The following LRMDA variants were observed in gnomAD, a reference collection of about 807,000 sequenced individuals.
The protein encoded by LRMDA is leucine-rich melanocyte differentiation-associated protein.
A neutral mutation model predicts 29.8 loss-of-function variants in LRMDA; 18 were observed. That is an observed-to-expected ratio of 0.60 (90% CI 0.42 to 0.90). The LOEUF (loss-of-function observed/expected upper bound fraction) is 0.90. Ranked by LOEUF, LRMDA falls within the 40% of genes least tolerant of loss-of-function variation. LRMDA has a pLI of 0.00. For synonymous variants in LRMDA, 125 were observed against 109.4 expected (o/e 1.14, Z -0.89); for missense variants, 273 against 273.9 (o/e 1.00, Z 0.02).
intron 5 of LRMDA, among the ~76,000 whole-genome samples, chr10:76,269,189 G>T (rs1051007166): frequency 6.6e-6 from 1 of 152,098 alleles, no homozygotes; most frequent in African/African-American, 2.4e-5. Flanking sequence ...GGCACACTGT[G>T]ATGTGCTGCA....
chr10:75,758,990 A>T (rs1843064419), intron 2 of LRMDA, among the ~76,000 whole-genome samples: 1 of 151,982 alleles, frequency 6.6e-6, no homozygotes, highest in African/African-American at 2.4e-5. Flanking sequence ...TTGGTGATTT[A>T]AATGGGTACA....
chr10:75,566,243 C>CCTTCTCCT (rs980591212), intron 2 of LRMDA, among the ~76,000 whole-genome samples: 1 of 152,088 alleles, frequency 6.6e-6, no homozygotes, highest in South Asian at 2.1e-4. Flanking sequence ...ATTGCTCGTT[C>CCTTCTCCT]CTTCTCCTCT....
chr10:76,175,044 C>T (rs1050406979), intron 5 of LRMDA, among the ~76,000 whole-genome samples: 43 of 152,158 alleles, frequency 2.8e-4, no homozygotes, highest in Non-Finnish European at 5.0e-4. Context: ...TCGCTTCAAC[C>T]TGGGGAGGCA....
At chr10:76,397,280 G>A (rs929185837) in intron 6 of LRMDA, among the ~76,000 whole-genome samples, 1 of 152,114 alleles carries the variant, frequency 6.6e-6, no homozygotes, top group East Asian at 1.9e-4. Flanking sequence ...CGGCTCCCCA[G>A]GAGCCTTGGA....
intron 2 of LRMDA, among the ~76,000 whole-genome samples, chr10:75,796,554 T>G (rs1843657087): frequency 6.6e-6 from 1 of 152,188 alleles, no homozygotes; most frequent in African/African-American, 2.4e-5. Flanking sequence ...TTTTTGTATA[T>G]TTCTGGATAC....
chr10:76,483,035 A>G lies in LRMDA; in HGVS notation c.602-74174A>G, dbSNP rs188709129. ...TTTCTTGACCATTTAAATTTCCTCT[A>G]TTGTGAAATGGATTTTCAGTCTTTG... On this transcript the variant is annotated intron_variant, in intron 6 of 6. Coordinates refer to ENST00000611255, the MANE Select transcript of LRMDA (RefSeq NM_001305581.2). Among the ~76,000 whole-genome samples the G allele has an allele frequency of 1.2e-3, 180 of 152,008 alleles. 1 individual carries two copies. The highest frequency in any genetic ancestry group is 4.1e-3 in the African/African-American group (172 of 41,498).
At position 76,084,412 on chromosome 10, in the gene LRMDA, A is replaced by G. The variant is rs1403485091; in HGVS notation, c.516+25629A>G. On this transcript the variant is annotated intron_variant, in intron 5 of 6. Coordinates refer to ENST00000611255, the MANE Select transcript of LRMDA (RefSeq NM_001305581.2). Reference sequence around the variant, plus strand: ...TTTTTTTTTGTAGAGTCAGGGTTTTACCATGTTGGCCAGGCTGGTCTTGAA... The same window carrying G: ...TTTTTTTTTGTAGAGTCAGGGTTTTGCCATGTTGGCCAGGCTGGTCTTGAA... Among the ~76,000 whole-genome samples the G allele has an allele frequency of 1.1e-4, 7 of 63,460 alleles. No homozygotes were observed. The East Asian group carries it at 3.2e-3, about 29-fold the overall frequency. 41.6% of individuals were successfully genotyped at this position (63,460 alleles called of 152,430 possible).
intron 2 of LRMDA, among the ~76,000 whole-genome samples, chr10:75,777,157 G>A (rs1311579266): frequency 6.6e-6 from 1 of 152,182 alleles, no homozygotes; most frequent in Non-Finnish European, 1.5e-5. Context: ...GCAGAGTACA[G>A]GCTGCCGAGC....
At chr10:76,332,109 A>G (rs921678408) in intron 6 of LRMDA, among the ~76,000 whole-genome samples, 49 of 152,218 alleles carry the variant, frequency 3.2e-4, no homozygotes, top group African/African-American at 1.2e-3. Context: ...CACTCTGTAC[A>G]GAGCCGGGCT....
intron 5 of LRMDA, among the ~76,000 whole-genome samples, chr10:76,211,025 G>A (rs1237372368): frequency 6.6e-6 from 1 of 152,184 alleles, no homozygotes; most frequent in Non-Finnish European, 1.5e-5. Context: ...GCTCTGGTTG[G>A]AGGGTTTCCA....
At chr10:75,945,188 T>C (rs555641512) in intron 2 of LRMDA, among the ~76,000 whole-genome samples, 24 of 152,356 alleles carry the variant, frequency 1.6e-4, no homozygotes, top group Middle Eastern at 3.4e-3. Context: ...GCAGCTAACT[T>C]GGCTGGACTC....
rs1441906742 is a variant in LRMDA at position 76,363,116 on chromosome 10, G to GGAAAGAAAAAGAAAGAAA, written c.601+38639_601+38640insAAGAAAGAAAGAAAGAAA. ...CTAGAGGTTTCAGCCTGTGGAGTAAGGAAAGAAAGAAAGAAAGAAAGAAAG... is the reference window on the plus strand; with the variant it reads ...CTAGAGGTTTCAGCCTGTGGAGTAAGGAAAGAAAAAGAAAGAAAGAAAGAAAGAAAGAAAGAAAGAAAG... On this transcript the variant is annotated intron_variant, in intron 6 of 6. Transcript: ENST00000611255. 1.2e-4 allele frequency among the ~76,000 whole-genome samples: 6 copies of GGAAAGAAAAAGAAAGAAA among 51,522 alleles called. No individual in the cohort carries two copies. The South Asian group carries it at 2.1e-3, about 18-fold the overall frequency. The allele number at this position is 51,522 out of a possible 152,430, so 33.8% of individuals were successfully genotyped here. A position where few individuals can be genotyped will look rare whatever the true frequency, so the allele number is the denominator to read the frequency against.
chr10:76,156,562 T>C (rs1441465271), intron 5 of LRMDA, among the ~76,000 whole-genome samples: 1 of 139,614 alleles, frequency 7.2e-6, no homozygotes, highest in African/African-American at 3.0e-5. Context: ...GAAGAGTTGC[T>C]GAAAAAAAAA....
chr10:75,788,424 G>A (rs1843510296), intron 2 of LRMDA, among the ~76,000 whole-genome samples: 1 of 152,130 alleles, frequency 6.6e-6, no homozygotes, highest in Non-Finnish European at 1.5e-5. Context: ...AAGCAGGAAG[G>A]AAGAAGAAGG....
At chr10:75,712,330 G>A (rs1842445595) in intron 2 of LRMDA, among the ~76,000 whole-genome samples, 1 of 151,194 alleles carries the variant, frequency 6.6e-6, no homozygotes, top group South Asian at 2.1e-4. Flanking sequence ...ATCAGGTTGA[G>A]TATTAGTGTT....
At chr10:76,517,615 A>G (rs1843075052) in intron 6 of LRMDA, among the ~76,000 whole-genome samples, 2 of 152,152 alleles carry the variant, frequency 1.3e-5, no homozygotes, top group Admixed American at 6.5e-5. Context: ...GAAAAGGTAT[A>G]AATTATCCTG....
At chr10:75,567,870 A>T (rs182909108) in intron 2 of LRMDA, among the ~76,000 whole-genome samples, 1 of 152,310 alleles carries the variant, frequency 6.6e-6, no homozygotes, top group Admixed American at 6.5e-5. Context: ...TTGCTTTGTT[A>T]AAGCAAAGTA....
intron 2 of LRMDA, among the ~76,000 whole-genome samples, chr10:75,655,423 GT>G (rs1187871274): frequency 6.6e-6 from 1 of 152,242 alleles, no homozygotes; most frequent in Non-Finnish European, 1.5e-5. Context: ...CCCTTGGCAG[GT>G]GCCTTGCTAG....
At chr10:75,811,118 A>T (rs1475918293) in intron 2 of LRMDA, among the ~76,000 whole-genome samples, 1 of 152,166 alleles carries the variant, frequency 6.6e-6, no homozygotes, top group Non-Finnish European at 1.5e-5. Context: ...GGATAAATAC[A>T]TTTAAAATAT....
Sources: gnomAD v4.1 joint callset for allele counts (sites outside exome capture counted in the v4.1 genomes callset) on GRCh38, gnomAD v4.1.1 for gene constraint, MANE v1.5 for transcripts, NCBI Gene and HGNC (gene_info 2026-07-23, HGNC 2026-07-21) for gene names.